The following STRN4 variants were observed in gnomAD, a reference collection of about 807,000 sequenced individuals.
STRN4 encodes the protein striatin 4.
In STRN4, 27 loss-of-function variants were observed where a neutral mutation model predicts 77.9. The ratio of observed to expected loss-of-function variants is 0.35; its 90% CI spans 0.26 to 0.48. STRN4 has a LOEUF of 0.48. Ranked by LOEUF, STRN4 falls within the 20% of genes least tolerant of loss-of-function variation. STRN4 has a pLI of 0.99. For synonymous variants in STRN4, 466 were observed against 443.1 expected (o/e 1.05, Z -0.65); for missense variants, 798 against 1,049.7 (o/e 0.76, Z 3.31).
intron 9 of STRN4, among the ~76,000 whole-genome samples, chr19:46,726,915 A>C (rs2054130555): frequency 6.6e-6 from 1 of 152,026 alleles, no homozygotes; most frequent in Non-Finnish European, 1.5e-5. Flanking sequence ...GGCACACTCC[A>C]CTTCTCAGGC....
At chr19:46,721,350 C>T (rs3786705) in intron 16 of STRN4, 76,818 of 153,360 alleles carry the variant, frequency 0.5, 19,756 homozygotes, top group Middle Eastern at 0.6. Flanking sequence ...TAGTGGCCCC[C>T]AGAATAGAGC....
chr19:46,720,566 A>T lies in STRN4; in HGVS notation c.*36T>A. 1 of 1,516,308 alleles carries T rather than the reference A, an allele frequency of 6.6e-7. No individual in the cohort carries two copies. The highest frequency in any genetic ancestry group is 8.9e-7 in the Non-Finnish European group (1 of 1,129,030). The allele number at this position is 1,516,308 out of a possible 1,614,324, so 93.9% of individuals were successfully genotyped here. A position where few individuals can be genotyped will look rare whatever the true frequency, so the allele number is the denominator to read the frequency against. ...CCCCACCTGCCCGGCCCTACACCCCAGCCAGCGTGGCGGCCAGGGCAGGGC... is the reference window on the plus strand; with the variant it reads ...CCCCACCTGCCCGGCCCTACACCCCTGCCAGCGTGGCGGCCAGGGCAGGGC... On this transcript the variant is annotated 3_prime_UTR_variant, in exon 17 of 18. Coordinates refer to ENST00000263280, the MANE Select transcript of STRN4 (RefSeq NM_013403.3).
rs182673013 is a variant in STRN4 at position 46,743,617 on chromosome 19, C to T, written c.282+2532G>A. On this transcript the variant is annotated intron_variant, in intron 1 of 17. Transcript: ENST00000263280. The stretch of plus-strand genomic sequence containing the variant: ...GAACATGGGCTTAAAAGTCTACCGA[C>T]GGTCGGGCATGGTGGCTTATGCCTG... Among the ~76,000 whole-genome samples the T allele has an allele frequency of 8.4e-4, 128 of 152,164 alleles. 1 individual carries two copies. Among genetic ancestry groups the T allele is most frequent in the Middle Eastern group, 3.4e-3 (1 of 292 alleles).
chr19:46,730,930 A>C (rs1334681466), intron 5 of STRN4, 57 bp from the exon 6 acceptor site: 7 of 1,593,748 alleles, frequency 4.4e-6, no homozygotes, highest in Non-Finnish European at 6.0e-6. Flanking sequence ...CAAAGCTCAG[A>C]TAGGAAGGTG....
chr19:46,723,362 G>A lies in STRN4; in HGVS notation c.1595-78C>T. 1 of 1,458,898 alleles carries A rather than the reference G, an allele frequency of 6.9e-7. No homozygotes were observed. Among genetic ancestry groups the A allele is most frequent in the Non-Finnish European group, 9.1e-7 (1 of 1,103,102 alleles). The allele number at this position is 1,458,898 out of a possible 1,614,324, so 90.4% of individuals were successfully genotyped here. ...CTGGACAGCCCAGAGCCCCAGCTCT[G>A]CCAAGCCCCAGGCAGCTGGGCTCCA... On this transcript the variant is annotated intron_variant, in intron 12 of 17. Transcript: ENST00000263280. This position sits in a 1 kb window ranked among gnomAD's most constrained non-coding sequence, Gnocchi z 5.5.
Position 46,733,334 on chromosome 19 carries a change from T to C in STRN4, c.540-98A>G. 1 of 1,209,146 alleles carries C rather than the reference T, an allele frequency of 8.3e-7. No individual in the cohort carries two copies. Among genetic ancestry groups the C allele is most frequent in the Non-Finnish European group, 1.2e-6 (1 of 864,068 alleles). The allele number at this position is 1,209,146 out of a possible 1,614,324, so 74.9% of individuals were successfully genotyped here. ...CCGAGACAACCTCTTAAGGGGCCAC[T>C]TAAGAGCATACACCAAAATCTGACA... On this transcript the variant is annotated intron_variant, in intron 4 of 17. Transcript: ENST00000263280. The surrounding 1 kb of genome is among the most constrained non-coding windows in gnomAD (Gnocchi z 4.3).
Position 46,722,257 on chromosome 19 carries a change from G to A in STRN4, c.1990C>T (p.Leu664=). 1.9e-6 allele frequency: 3 copies of A among 1,614,196 alleles called. No individual in the cohort carries two copies. Among genetic ancestry groups the A allele is most frequent in the Non-Finnish European group, 1.7e-6 (2 of 1,180,036 alleles). Residue 664 remains leucine, a synonymous_variant, in exon 15 of 18, where the codon CTG becomes TTG. Coordinates refer to ENST00000263280, the MANE Select transcript of STRN4 (RefSeq NM_013403.3). ...TAGGCCTCACCTGTCCGATTGTCCA[G>A]GAAGCGGATGCCCCTGTCGTCGTGG... is the stretch of plus-strand genomic sequence containing the variant. The part of the protein sequence containing the change: ...TAHDDRGIRF[L]DNRTGKPVHS...
chr19:46,744,373 C>T (rs2054533121), intron 1 of STRN4, among the ~76,000 whole-genome samples: 1 of 152,150 alleles, frequency 6.6e-6, no homozygotes, highest in Admixed American at 6.6e-5. Flanking sequence ...AGGGTCTTTA[C>T]TCATCCTATG....
chr19:46,728,373 G>A (rs2054171822), intron 7 of STRN4: 1 of 603,490 alleles, frequency 1.7e-6, no homozygotes, highest in African/African-American at 1.9e-5. Flanking sequence ...CGCCCTGGAG[G>A]GCTGGCGGCC....
At position 46,746,236 on chromosome 19, in the gene STRN4, C is replaced by T. The variant is rs2054604880; in HGVS notation, c.195G>A (p.Leu65=). 1.3e-6 allele frequency: 2 copies of T among 1,522,166 alleles called. No homozygotes were observed. The highest frequency in any genetic ancestry group is 1.4e-5 in the African/African-American group (1 of 69,596). The allele number at this position is 1,522,166 out of a possible 1,614,324, so 94.3% of individuals were successfully genotyped here. A position where few individuals can be genotyped will look rare whatever the true frequency, so the allele number is the denominator to read the frequency against. Residue 65 remains leucine (L), a synonymous_variant, in exon 1 of 18, where the codon CTG becomes CTA. Transcript: ENST00000263280. ...GCTGGATAAAGTGCAGGATCCCCGG[C>T]AGGCTCAGGGGCTCCGGGCCCGCCG... ...GPTAGPEPLS[L]PGILHFIQHE...
Position 46,727,597 on chromosome 19 carries a change from G to A in STRN4, c.1154-51C>T, listed in dbSNP as rs751140346. ...TAGGGGGAGGGGAGGGAGGGGCAGA[G>A]AGGGCCAGGGAGAGAGAGAATGACA... On this transcript the variant is annotated intron_variant, in intron 8 of 17. Transcript: ENST00000263280. 4.1e-6 allele frequency: 6 copies of A among 1,457,326 alleles called. No individual in the cohort carries two copies. The African/African-American group carries it at 7.0e-5, about 17-fold the overall frequency. 90.3% of individuals were successfully genotyped at this position (1,457,326 alleles called of 1,614,324 possible).
At chr19:46,736,922 G>A (rs2054377996) in intron 3 of STRN4, 21 bp from the exon 4 acceptor site, 1 of 1,609,364 alleles carries the variant, frequency 6.2e-7, no homozygotes, top group South Asian at 1.1e-5. Context: ...AGAGAACGGA[G>A]GCTGTCTTAA....
chr19:46,723,290 C>T lies in STRN4; in HGVS notation c.1595-6G>A. On this transcript the variant is annotated splice_region_variant and splice_polypyrimidine_tract_variant and intron_variant, in intron 12 of 17. Coordinates refer to ENST00000263280, the MANE Select transcript of STRN4 (RefSeq NM_013403.3). This position sits in a 1 kb window ranked among gnomAD's most constrained non-coding sequence, Gnocchi z 5.5. ...GTGGCTCAGCACGCTTGGGTCTGCA[C>T]CCACCGCAGGGAGGAAATGGGCTGT... is the stretch of plus-strand genomic sequence containing the variant. The T allele has an allele frequency of 6.5e-7, 1 of 1,535,980 alleles. No individual in the cohort carries two copies. The highest frequency in any genetic ancestry group is 8.8e-7 in the Non-Finnish European group (1 of 1,141,730).
intron 12 of STRN4, among the ~76,000 whole-genome samples, chr19:46,724,019 G>A (rs1254784339): frequency 1.3e-5 from 2 of 152,102 alleles, no homozygotes; most frequent in African/African-American, 2.4e-5. Flanking sequence ...AGGCCAAGGT[G>A]GGTGGATCAC....
chr19:46,737,429 G>C (rs1439478744), intron 3 of STRN4, among the ~76,000 whole-genome samples: 1 of 152,186 alleles, frequency 6.6e-6, no homozygotes, highest in Non-Finnish European at 1.5e-5. Flanking sequence ...TGCCCTTGTG[G>C]AACTTCCGTT....
chr19:46,745,423 G>A (rs187396237), intron 1 of STRN4, among the ~76,000 whole-genome samples: 3 of 152,194 alleles, frequency 2.0e-5, no homozygotes, highest in East Asian at 3.9e-4. Context: ...AGAGGGGAAG[G>A]CACACACCTT....
Position 46,738,038 on chromosome 19 carries a change from A to T in STRN4, c.460+126T>A. ...TGAGAGTGAGATTCCGCCCCTCCCC[A>T]GCCCCGGGGCCGATTCTGCCTTCTA... On this transcript the variant is annotated intron_variant, in intron 3 of 17. Coordinates refer to ENST00000263280, the MANE Select transcript of STRN4 (RefSeq NM_013403.3). The surrounding 1 kb of genome is among the most constrained non-coding windows in gnomAD (Gnocchi z 4.5). 1 of 966,400 alleles carries T rather than the reference A, an allele frequency of 1.0e-6. No homozygotes were observed. Among genetic ancestry groups the T allele is most frequent in the Non-Finnish European group, 1.6e-6 (1 of 606,818 alleles). 59.9% of individuals were successfully genotyped at this position (966,400 alleles called of 1,614,324 possible). A position where few individuals can be genotyped will look rare whatever the true frequency, so the allele number is the denominator to read the frequency against.
At position 46,720,452 on chromosome 19, in the gene STRN4, C is replaced by T. The variant is rs1042821675; in HGVS notation, c.*66+84G>A. On this transcript the variant is annotated intron_variant, in intron 17 of 17. Coordinates refer to ENST00000263280, the MANE Select transcript of STRN4 (RefSeq NM_013403.3). Reference sequence around the variant, plus strand: ...CCCCAGTGATTCTCACAGGACGCCCCTGACTGGACTGCGGGGCTCAGCACA... The same window carrying T: ...CCCCAGTGATTCTCACAGGACGCCCTTGACTGGACTGCGGGGCTCAGCACA... 149 of 994,602 alleles carry T rather than the reference C, an allele frequency of 1.5e-4. No individual in the cohort carries two copies. In the Middle Eastern group the frequency reaches 2.1e-3, roughly 14 times the overall value. The allele number at this position is 994,602 out of a possible 1,614,324, so 61.6% of individuals were successfully genotyped here.
intron 4 of STRN4, chr19:46,736,247 A>G (rs2054360061): frequency 6.6e-6 from 1 of 152,178 alleles, no homozygotes; most frequent in African/African-American, 2.4e-5. Flanking sequence ...ACTGCACTGC[A>G]GCCTGGGCAA....
Sources: gnomAD v4.1 joint callset for allele counts (sites outside exome capture counted in the v4.1 genomes callset) on GRCh38, gnomAD v4.1.1 for gene constraint, Gnocchi (gnomAD v3.1) non-coding constraint, MANE v1.5 for transcripts, NCBI Gene and HGNC (gene_info 2026-07-23, HGNC 2026-07-21) for gene names.